NKAIN2: variants seen among roughly 807,000 people sequenced by gnomAD.
The protein encoded by NKAIN2 is sodium/potassium-transporting ATPase subunit beta-1-interacting protein 2.
Under a neutral mutation model 32.6 loss-of-function variants are expected in NKAIN2, and 14 were observed. The ratio of observed to expected loss-of-function variants is 0.43; its 90% CI spans 0.28 to 0.67. The LOEUF is 0.67. Among genes scored for constraint, NKAIN2 ranks in the 30% least tolerant of loss-of-function variants. NKAIN2 has a pLI of 0.17. For missense variants in NKAIN2, 198 were observed against 258.3 expected (o/e 0.77, Z 1.60); for synonymous variants, 80 against 87.2 (o/e 0.92, Z 0.46).
intron 1 of NKAIN2, among the ~76,000 whole-genome samples, chr6:123,832,778 T>C (rs1396496517): frequency 1.3e-5 from 2 of 152,250 alleles, no homozygotes; most frequent in Admixed American, 1.3e-4. Context: ...TTTTCTTTGT[T>C]GAGGTGTCTA....
At chr6:124,481,170 CTTT>C (rs5879741) in intron 3 of NKAIN2, among the ~76,000 whole-genome samples, 144 of 136,502 alleles carry the variant, frequency 1.1e-3, no homozygotes, top group Middle Eastern at 8.4e-3. Context: ...GTTAGAGTTA[CTTT>C]TTTTTTTTTT....
At chr6:124,360,913 A>T (rs780632572) in intron 3 of NKAIN2, among the ~76,000 whole-genome samples, 5 of 152,184 alleles carry the variant, frequency 3.3e-5, no homozygotes, top group African/African-American at 4.8e-5. Context: ...TTTGGGCATC[A>T]AATGTGACAT....
At chr6:124,067,508 A>G (rs574536254) in intron 1 of NKAIN2, among the ~76,000 whole-genome samples, 1 of 152,324 alleles carries the variant, frequency 6.6e-6, no homozygotes, top group East Asian at 1.9e-4. Flanking sequence ...TGAGGACCAG[A>G]TATCTAATTA....
At chr6:124,574,806 A>G (rs1219902148) in intron 3 of NKAIN2, among the ~76,000 whole-genome samples, 1 of 152,052 alleles carries the variant, frequency 6.6e-6, no homozygotes, top group Non-Finnish European at 1.5e-5. Flanking sequence ...TATCCCCACT[A>G]ATTTTTCCAA....
intron 3 of NKAIN2, among the ~76,000 whole-genome samples, chr6:124,477,966 G>A (rs1486408782): frequency 6.6e-6 from 1 of 151,488 alleles, no homozygotes; most frequent in Non-Finnish European, 1.5e-5. Context: ...TCAGTGGTTA[G>A]AATACAAAAT....
intron 1 of NKAIN2, among the ~76,000 whole-genome samples, chr6:124,014,528 A>G (rs937348775): frequency 6.6e-6 from 1 of 151,982 alleles, no homozygotes; most frequent in Non-Finnish European, 1.5e-5. Flanking sequence ...CTTGTTCTCA[A>G]TATATTATGG....
chr6:124,677,114 C>A (rs1043826345), intron 4 of NKAIN2, among the ~76,000 whole-genome samples: 9 of 151,802 alleles, frequency 5.9e-5, no homozygotes, highest in African/African-American at 1.9e-4. Flanking sequence ...GATTGCAGGT[C>A]CACGCCACCA....
At chr6:124,280,298 G>T (rs760163836) in intron 1 of NKAIN2, among the ~76,000 whole-genome samples, 1 of 152,144 alleles carries the variant, frequency 6.6e-6, no homozygotes, top group Non-Finnish European at 1.5e-5. Flanking sequence ...GTCATGAACT[G>T]ACAAGTATGA....
chr6:124,376,972 G>A (rs1255411856), intron 3 of NKAIN2, among the ~76,000 whole-genome samples: 2 of 152,094 alleles, frequency 1.3e-5, no homozygotes, highest in African/African-American at 4.8e-5. Flanking sequence ...AGGAACTTTG[G>A]TATTGTCAGC....
chr6:124,016,258 G>C lies in NKAIN2; in HGVS notation c.54+212004G>C, dbSNP rs1157223420. 1.3e-5 allele frequency among the ~76,000 whole-genome samples: 2 copies of C among 152,062 alleles called. 1 individual carries two copies. Among genetic ancestry groups the C allele is most frequent in the Non-Finnish European group, 2.9e-5 (2 of 67,994 alleles). On this transcript the variant is annotated intron_variant, in intron 1 of 6. Coordinates refer to ENST00000368417, the MANE Select transcript of NKAIN2 (RefSeq NM_001040214.3). ...GGTTTTGTCATAAAATTTTCAAAAA[G>C]AAACCTCTCGAAGAAATTTGGTAAA...
intron 3 of NKAIN2, among the ~76,000 whole-genome samples, chr6:124,493,712 C>T (rs34442214): frequency 0.29 from 37,017 of 129,692 alleles, 5,924 homozygotes; most frequent in Middle Eastern, 0.39. Flanking sequence ...ACCAACCCCC[C>T]CCTCCAAAAA....
intron 1 of NKAIN2, among the ~76,000 whole-genome samples, chr6:124,257,970 G>A (rs1293631231): frequency 4.0e-5 from 6 of 151,424 alleles, no homozygotes; most frequent in Admixed American, 2.0e-4. Flanking sequence ...TAGTAGAGAC[G>A]GGGTTTCACC....
chr6:124,364,250 A>G (rs73770447), intron 3 of NKAIN2, among the ~76,000 whole-genome samples: 5 of 139,738 alleles, frequency 3.6e-5, no homozygotes, highest in Admixed American at 1.4e-4. Context: ...AAAAAAAAAA[A>G]AGAGAGAAAA....
chr6:124,006,329 G>T (rs575090970), intron 1 of NKAIN2, among the ~76,000 whole-genome samples: 5 of 152,268 alleles, frequency 3.3e-5, no homozygotes, highest in African/African-American at 1.2e-4. Flanking sequence ...AGATAAAATA[G>T]TTGAGTGGCT....
intron 3 of NKAIN2, among the ~76,000 whole-genome samples, chr6:124,591,336 A>G (rs1009818983): frequency 3.3e-5 from 5 of 152,224 alleles, no homozygotes; most frequent in African/African-American, 7.2e-5. Context: ...ACTGATCGGA[A>G]TAAGTGTGAG....
At chr6:124,390,981 G>A (rs1773118070) in intron 3 of NKAIN2, 3 of 152,020 alleles carry the variant, frequency 2.0e-5, no homozygotes, top group South Asian at 2.1e-4. Context: ...CACATTTCTG[G>A]TGCTGTTTTG....
chr6:123,990,344 T>A (rs1285445709), intron 1 of NKAIN2, among the ~76,000 whole-genome samples: 1 of 152,224 alleles, frequency 6.6e-6, no homozygotes, highest in Non-Finnish European at 1.5e-5. Context: ...TATGTACCAG[T>A]TTTATTCTAA....
chr6:124,623,004 A>T (rs1161646264), intron 3 of NKAIN2, among the ~76,000 whole-genome samples: 4 of 152,134 alleles, frequency 2.6e-5, no homozygotes, highest in East Asian at 3.9e-4. Context: ...TCCAGGCTTG[A>T]GGATGGGGCT....
At chr6:124,066,862 T>TTGTG (rs10574288) in intron 1 of NKAIN2, among the ~76,000 whole-genome samples, 11 of 149,714 alleles carry the variant, frequency 7.3e-5, no homozygotes, top group South Asian at 2.1e-4. Context: ...TTTGCTGCGT[T>TTGTG]TGTGTGTGTG....
Sources: allele counts gnomAD v4.1 joint callset (sites outside exome capture counted in the v4.1 genomes callset), GRCh38; gene constraint gnomAD v4.1.1; transcripts MANE v1.5; gene names NCBI Gene and HGNC (gene_info 2026-07-23, HGNC 2026-07-21).